CCDC148: variants seen among roughly 807,000 people sequenced by gnomAD.
CCDC148 encodes the protein coiled-coil domain-containing protein 148.
A neutral mutation model predicts 85.7 loss-of-function variants in CCDC148; 89 were observed. That is an observed-to-expected ratio of 1.04 (90% CI 0.87 to 1.24). The LOEUF (loss-of-function observed/expected upper bound fraction) is 1.24, where lower values mean the gene tolerates loss of function less well. Ranked by LOEUF, CCDC148 falls within the 50% of genes most tolerant of loss-of-function variation. The pLI, the probability that CCDC148 is intolerant of heterozygous loss-of-function variation, is 0.00. For missense variants in CCDC148, 692 were observed against 671.7 expected, an observed-to-expected ratio of 1.03 and a Z score of -0.33; for synonymous variants, 230 against 213.9, an observed-to-expected ratio of 1.08 and a Z score of -0.66.
chr2:158,426,520 A>T lies in CCDC148; in HGVS notation c.25+29895T>A, dbSNP rs188394379. On this transcript the variant is annotated intron_variant, in intron 1 of 13. Transcript: ENST00000283233. The stretch of plus-strand genomic sequence containing the variant: ...AAGTGTTCCTGACTCCTGTCATTAC[A>T]GTATATTTTCCTGGTTCATTGAAAA... Among the ~76,000 whole-genome samples the T allele has an allele frequency of 3.3e-5, 5 of 152,300 alleles. No homozygotes were observed. In the East Asian group the frequency reaches 9.6e-4, roughly 29 times the overall value.
At chr2:158,448,888 C>T (rs562111756) in intron 1 of CCDC148, among the ~76,000 whole-genome samples, 9 of 151,514 alleles carry the variant, frequency 5.9e-5, no homozygotes, top group South Asian at 2.1e-4. Flanking sequence ...AGTGCAGTGG[C>T]GCAATCTCAG....
chr2:158,338,616 G>A (rs1040349319), intron 7 of CCDC148, 110 bp downstream of exon 7: 1 of 730,740 alleles, frequency 1.4e-6, no homozygotes, highest in Non-Finnish European at 2.2e-6. Context: ...TTTATTGATT[G>A]TATTCCAGTT....
At chr2:158,273,407 T>G (rs1306806341) in intron 9 of CCDC148, among the ~76,000 whole-genome samples, 1 of 152,174 alleles carries the variant, frequency 6.6e-6, no homozygotes, top group Non-Finnish European at 1.5e-5. Context: ...TGCCTCCTCA[T>G]GCTTACCTCC....
intron 7 of CCDC148, among the ~76,000 whole-genome samples, chr2:158,317,120 C>T (rs942350976): frequency 6.6e-6 from 1 of 152,122 alleles, no homozygotes; most frequent in African/African-American, 2.4e-5. Flanking sequence ...CTCTTATCTA[C>T]TTTCTGAATT....
chr2:158,207,638 A>G (rs1005527497), intron 11 of CCDC148: 6 of 152,176 alleles, frequency 3.9e-5, no homozygotes, highest in Admixed American at 6.5e-5. Flanking sequence ...GGTTGGAACA[A>G]TAGACCTATC....
chr2:158,359,643 A>G, intron 1 of CCDC148, among the ~76,000 whole-genome samples: 1 of 152,134 alleles, frequency 6.6e-6, no homozygotes, highest in East Asian at 1.9e-4. Flanking sequence ...GGAATGGTGC[A>G]CCCCAGCCCA....
intron 9 of CCDC148, among the ~76,000 whole-genome samples, chr2:158,273,910 C>T (rs1487057984): frequency 6.6e-6 from 1 of 152,148 alleles, no homozygotes; most frequent in African/African-American, 2.4e-5. Flanking sequence ...AGGATTCCAA[C>T]GTCAGCCACC....
chr2:158,371,915 C>G (rs1311837937), intron 1 of CCDC148, among the ~76,000 whole-genome samples: 3 of 151,954 alleles, frequency 2.0e-5, no homozygotes, highest in Non-Finnish European at 2.9e-5. Flanking sequence ...ATGATTTTCT[C>G]TATTTTTAAA....
chr2:158,230,484 C>A (rs1019096814), intron 10 of CCDC148, among the ~76,000 whole-genome samples: 1 of 152,086 alleles, frequency 6.6e-6, no homozygotes, highest in Non-Finnish European at 1.5e-5. Context: ...GAAGACCTCG[C>A]ATATGTTGAG....
chr2:158,443,682 A>C (rs1396661650), intron 1 of CCDC148, among the ~76,000 whole-genome samples: 1 of 152,126 alleles, frequency 6.6e-6, no homozygotes, highest in Non-Finnish European at 1.5e-5. Flanking sequence ...CAAAATATAG[A>C]CTGAGATCAT....
At chr2:158,217,370 G>GTATATATATATATATATATATATA (rs1453254522) in intron 11 of CCDC148, among the ~76,000 whole-genome samples, 32 of 75,500 alleles carry the variant, frequency 4.2e-4, no homozygotes, top group African/African-American at 1.2e-3. Context: ...TTTTGTGTGT[G>GTATATATATATATATATATATATA]TGTGTATATA....
At chr2:158,421,059 T>C (rs980575043) in intron 1 of CCDC148, among the ~76,000 whole-genome samples, 23 of 151,968 alleles carry the variant, frequency 1.5e-4, no homozygotes, top group East Asian at 3.8e-4. Flanking sequence ...ATATATGCAC[T>C]CAATACAGGA....
intron 1 of CCDC148, among the ~76,000 whole-genome samples, chr2:158,400,453 G>T (rs1015647883): frequency 9.2e-5 from 14 of 151,818 alleles, no homozygotes; most frequent in African/African-American, 1.9e-4. Context: ...AAACAAGAAA[G>T]GGAGAAAGGA....
At chr2:158,237,544 C>A (rs1019161541) in intron 10 of CCDC148, among the ~76,000 whole-genome samples, 10 of 152,056 alleles carry the variant, frequency 6.6e-5, no homozygotes, top group Non-Finnish European at 1.3e-4. Context: ...GGATACCAAG[C>A]CTTTCGGCCT....
At chr2:158,228,506 T>C (rs1471753446) in intron 10 of CCDC148, among the ~76,000 whole-genome samples, 3 of 152,096 alleles carry the variant, frequency 2.0e-5, no homozygotes, top group Non-Finnish European at 2.9e-5. Flanking sequence ...GACACATGCA[T>C]ACGTATGTTT....
intron 11 of CCDC148, among the ~76,000 whole-genome samples, chr2:158,189,590 T>G (rs1445998842): frequency 6.6e-6 from 1 of 151,946 alleles, no homozygotes; most frequent in Non-Finnish European, 1.5e-5. Flanking sequence ...GATAATATGG[T>G]GGAGTGCATT....
chr2:158,407,337 C>G (rs1410372669), intron 1 of CCDC148, among the ~76,000 whole-genome samples: 3 of 152,094 alleles, frequency 2.0e-5, no homozygotes, highest in Non-Finnish European at 4.4e-5. Flanking sequence ...ACCTCCTTCC[C>G]CCAGGCATCT....
chr2:158,275,874 T>C (rs1689917469), intron 9 of CCDC148, among the ~76,000 whole-genome samples: 1 of 152,160 alleles, frequency 6.6e-6, no homozygotes, highest in African/African-American at 2.4e-5. Context: ...ATGCACATCA[T>C]CAGTACTTCT....
At chr2:158,456,039 C>G (rs1005565958) in intron 1 of CCDC148, among the ~76,000 whole-genome samples, 2 of 152,184 alleles carry the variant, frequency 1.3e-5, no homozygotes, top group Non-Finnish European at 2.9e-5. Context: ...CTTTAACAAG[C>G]CTGTAACCTC....
Sources: gnomAD v4.1 joint callset for allele counts (sites outside exome capture counted in the v4.1 genomes callset) on GRCh38, gnomAD v4.1.1 for gene constraint, MANE v1.5 for transcripts, NCBI Gene and HGNC (gene_info 2026-07-23, HGNC 2026-07-21) for gene names.